Variants in SEPTIN7 observed in about 807,000 individuals in gnomAD.
SEPTIN7 encodes septin 7.
A neutral mutation model predicts 63.3 loss-of-function variants in SEPTIN7; 10 were observed. The ratio of observed to expected loss-of-function variants is 0.16; its 90% CI spans 0.10 to 0.27. The LOEUF (loss-of-function observed/expected upper bound fraction) is 0.27, where lower values mean the gene tolerates loss of function less well. Among genes scored for constraint, SEPTIN7 ranks in the 10% least tolerant of loss-of-function variants. The probability of loss-of-function intolerance (pLI) is 1.00; values close to 1 mark genes in which losing one functional copy is unlikely to be tolerated. For synonymous variants in SEPTIN7, 131 were observed against 165.3 expected (o/e 0.79, Z 1.59); for missense variants, 310 against 521.0 (o/e 0.59, Z 3.94).
chr7:35,851,102 T>C (rs1006083649), intron 3 of SEPTIN7, among the ~76,000 whole-genome samples: 1 of 152,160 alleles, frequency 6.6e-6, no homozygotes, highest in Non-Finnish European at 1.5e-5. Flanking sequence ...AATGTTTTAT[T>C]TTTAGGCTTG....
intron 11 of SEPTIN7, 71 bp from the exon 12 acceptor site, chr7:35,898,177 G>T (rs1468256361): frequency 8.2e-6 from 10 of 1,223,834 alleles, no homozygotes; most frequent in African/African-American, 1.5e-5. Flanking sequence ...GTTTTCATCA[G>T]CTGTTTCATA....
At chr7:35,830,031 CA>C (rs1348435564) in intron 1 of SEPTIN7, among the ~76,000 whole-genome samples, 3 of 151,838 alleles carry the variant, frequency 2.0e-5, no homozygotes, top group Non-Finnish European at 2.9e-5. Context: ...ACTAAAAATA[CA>C]AAAATTAGCC....
chr7:35,884,102 G>T, intron 9 of SEPTIN7, 115 bp downstream of exon 9: 1 of 548,858 alleles, frequency 1.8e-6, no homozygotes, highest in Non-Finnish European at 3.2e-6. Flanking sequence ...AGATTTTCAA[G>T]GATAATACTG....
At chr7:35,859,084 A>G (rs1040234102) in intron 3 of SEPTIN7, among the ~76,000 whole-genome samples, 5 of 152,000 alleles carry the variant, frequency 3.3e-5, no homozygotes, top group African/African-American at 9.7e-5. Flanking sequence ...CTAGTTCCTT[A>G]TGGTGTAAAC....
At chr7:35,908,987 C>T (rs1184548853), downstream of SEPTIN7, among the ~76,000 whole-genome samples, 2 of 152,162 alleles carry the variant, frequency 1.3e-5, no homozygotes, top group Admixed American at 1.3e-4. Flanking sequence ...CTTGGATAAG[C>T]CAGTAGTTTT....
At chr7:35,831,469 A>G in intron 1 of SEPTIN7, 23 bp from the exon 2 acceptor site, 1 of 477,888 alleles carries the variant, frequency 2.1e-6, no homozygotes, top group South Asian at 1.6e-5. Flanking sequence ...CACTGGAATG[A>G]TGGAAATGTG....
At chr7:35,872,242 A>G (rs1487413552) in intron 4 of SEPTIN7, among the ~76,000 whole-genome samples, 1 of 152,172 alleles carries the variant, frequency 6.6e-6, no homozygotes, top group Non-Finnish European at 1.5e-5. Flanking sequence ...TTTACTGTAA[A>G]TGGTAGATTA....
In SEPTIN7 at chr7:35,823,869, T is replaced by G. The variant is rs190154297; in HGVS notation, c.62-7623T>G. Among the ~76,000 whole-genome samples, 138 of 152,284 alleles carry G rather than the reference T, an allele frequency of 9.1e-4. 1 individual carries two copies. Among genetic ancestry groups the G allele is most frequent in the East Asian group, 8.5e-3 (44 of 5,188 alleles). ...TCCCCTACTTCTCTTCTCTTTTTTT[T>G]TGGGATTTTCAAGTTGTTTTATATC... On this transcript the variant is annotated intron_variant, in intron 1 of 13. Coordinates refer to ENST00000350320, the MANE Select transcript of SEPTIN7 (RefSeq NM_001788.6).
intron 6 of SEPTIN7, among the ~76,000 whole-genome samples, chr7:35,875,243 A>T (rs1284224822): frequency 6.6e-6 from 1 of 152,184 alleles, no homozygotes. Context: ...AAGGGGTAAG[A>T]TGTTTAAAAT....
In SEPTIN7 at chr7:35,890,451, G is replaced by A. The variant is rs1236003512; in HGVS notation, c.873-217G>A. On this transcript the variant is annotated intron_variant, in intron 10 of 13. Transcript: ENST00000350320. Reference sequence around the variant, plus strand: ...ATTTATAGGTCTTAAAATGTCACTGGAATCTAAATTTGGTGTCAAGTTAGC... The same window carrying A: ...ATTTATAGGTCTTAAAATGTCACTGAAATCTAAATTTGGTGTCAAGTTAGC... 9 of 287,576 alleles carry A rather than the reference G, an allele frequency of 3.1e-5. No homozygotes were observed. In the South Asian group the frequency reaches 4.6e-4, roughly 15 times the overall value. The allele number at this position is 287,576 out of a possible 1,614,324, so 17.8% of individuals were successfully genotyped here.
chr7:35,894,400 A>C (rs1386886115), intron 11 of SEPTIN7, among the ~76,000 whole-genome samples: 1 of 152,162 alleles, frequency 6.6e-6, no homozygotes, highest in Non-Finnish European at 1.5e-5. Context: ...ATGACTAAAA[A>C]TACAAGTTTC....
At position 35,872,777 on chromosome 7, in the gene SEPTIN7, T is replaced by G. The variant is rs979051338; in HGVS notation, c.377+11T>G. The stretch of plus-strand genomic sequence containing the variant: ...GGATAATAGTAATTGGTAAGAAGGG[T>G]TTGTCCTCACAACTTTGCAGTGCAT... On this transcript the variant is annotated intron_variant, in intron 5 of 13. Transcript: ENST00000350320. The G allele has an allele frequency of 6.3e-7, 1 of 1,584,542 alleles. No individual in the cohort carries two copies. The highest frequency in any genetic ancestry group is 8.7e-7 in the Non-Finnish European group (1 of 1,153,372).
the SEPTIN7 span, among the ~76,000 whole-genome samples, chr7:35,913,764 A>AT: frequency 2.0e-5 from 3 of 151,994 alleles, no homozygotes; most frequent in Admixed American, 6.6e-5. Flanking sequence ...TAATTTTTGT[A>AT]TTTTTTGTAG....
At chr7:35,815,373 A>T (rs1015997795) in intron 1 of SEPTIN7, among the ~76,000 whole-genome samples, 1 of 152,182 alleles carries the variant, frequency 6.6e-6, no homozygotes, top group African/African-American at 2.4e-5. Context: ...GTATTTTTGT[A>T]TATGTGTGTA....
chr7:35,912,791 G>A, the SEPTIN7 span, among the ~76,000 whole-genome samples: 4 of 152,216 alleles, frequency 2.6e-5, no homozygotes, highest in Admixed American at 2.6e-4. Flanking sequence ...GCCACACTTA[G>A]TTTCTTAATC....
At chr7:35,829,531 G>A (rs1202086794) in intron 1 of SEPTIN7, among the ~76,000 whole-genome samples, 5 of 152,110 alleles carry the variant, frequency 3.3e-5, no homozygotes, top group Non-Finnish European at 5.9e-5. Context: ...TAAGGATAAA[G>A]CAGTGAATAA....
intron 1 of SEPTIN7, among the ~76,000 whole-genome samples, chr7:35,810,326 CTT>C (rs1201297520): frequency 1.6e-4 from 22 of 138,924 alleles, no homozygotes; most frequent in Admixed American, 2.9e-4. Flanking sequence ...AAAATGTTTC[CTT>C]TTTTTTTTTT....
At chr7:35,877,164 G>A (rs1786521031) in intron 6 of SEPTIN7, among the ~76,000 whole-genome samples, 1 of 152,096 alleles carries the variant, frequency 6.6e-6, no homozygotes, top group Non-Finnish European at 1.5e-5. Context: ...AGTGAGGCAA[G>A]AACACAGTTT....
intron 1 of SEPTIN7, among the ~76,000 whole-genome samples, chr7:35,829,008 C>T (rs963577472): frequency 2.6e-5 from 4 of 152,222 alleles, no homozygotes; most frequent in African/African-American, 9.6e-5. Flanking sequence ...AAATAACATC[C>T]ATATACTTCC....
Sources: allele counts gnomAD v4.1 joint callset (sites outside exome capture counted in the v4.1 genomes callset), GRCh38; gene constraint gnomAD v4.1.1; transcripts MANE v1.5; gene names NCBI Gene and HGNC (gene_info 2026-07-23, HGNC 2026-07-21).